ZFHX4: variants seen among roughly 807,000 people sequenced by gnomAD.
ZFHX4 encodes the protein zinc finger homeobox protein 4.
A neutral mutation model predicts 267.6 loss-of-function variants in ZFHX4; 56 were observed. The ratio of observed to expected loss-of-function variants is 0.21; its 90% CI spans 0.17 to 0.26. The LOEUF (loss-of-function observed/expected upper bound fraction) is 0.26. ZFHX4 is among the 10% of genes least tolerant of loss of function. ZFHX4 has a pLI of 1.00. For missense variants in ZFHX4, 4,332 were observed against 4,420.0 expected (o/e 0.98, Z 0.56); for synonymous variants, 1,778 against 1,665.6 (o/e 1.07, Z -1.64).
intron 3 of ZFHX4, among the ~76,000 whole-genome samples, chr8:76,720,253 G>A (rs555565034): frequency 6.6e-6 from 1 of 152,156 alleles, no homozygotes; most frequent in East Asian, 1.9e-4. Context: ...ATTTCATATA[G>A]ATGGAATCAT....
At position 76,704,676 on chromosome 8, in the gene ZFHX4, T is replaced by C; in HGVS notation, c.588T>C (p.His196=). The stretch of plus-strand genomic sequence containing the variant: ...ACCCACAGATCATCAACACTTTTCA[T>C]ATCGCTTCATCCCTCGGGAAACCAT... ...SFYPQIINTF[H]IASSLGKPFT... is the part of the protein sequence containing the mutation. Residue 196 remains histidine (H), a synonymous_variant, in exon 2 of 11, where the codon CAT becomes CAC. Coordinates refer to ENST00000651372, the MANE Select transcript of ZFHX4 (RefSeq NM_024721.5). 6.2e-7 allele frequency: 1 copy of C among 1,614,034 alleles called. No homozygotes were observed. Among genetic ancestry groups the C allele is most frequent in the African/African-American group, 1.3e-5 (1 of 75,070 alleles).
At chr8:76,846,330 G>T (rs913627307) in intron 6 of ZFHX4, among the ~76,000 whole-genome samples, 1 of 151,836 alleles carries the variant, frequency 6.6e-6, no homozygotes, top group South Asian at 2.1e-4. Flanking sequence ...CATTTTTGAC[G>T]TACCTAGCTA....
At chr8:76,815,758 C>T (rs900531307) in intron 4 of ZFHX4, among the ~76,000 whole-genome samples, 1 of 152,140 alleles carries the variant, frequency 6.6e-6, no homozygotes, top group African/African-American at 2.4e-5. Context: ...GCCTTGGTCT[C>T]CCAAAGTGCT....
At chr8:76,816,590 C>CTTTTTT (rs950143569) in intron 4 of ZFHX4, among the ~76,000 whole-genome samples, 6 of 113,030 alleles carry the variant, frequency 5.3e-5, no homozygotes, top group Admixed American at 1.9e-4. Context: ...ATTTAAATGT[C>CTTTTTT]TTTTTTTTTT....
intron 3 of ZFHX4, among the ~76,000 whole-genome samples, chr8:76,735,732 C>A (rs1314148195): frequency 1.3e-5 from 2 of 152,046 alleles, no homozygotes; most frequent in Non-Finnish European, 2.9e-5. Flanking sequence ...GACAAACAAG[C>A]TTTTAGTGTG....
At chr8:76,747,100 GA>G (rs1006500671) in intron 3 of ZFHX4, among the ~76,000 whole-genome samples, 7 of 151,760 alleles carry the variant, frequency 4.6e-5, no homozygotes, top group East Asian at 1.9e-4. Flanking sequence ...ATTTTTCAAG[GA>G]AAAAAATGAC....
chr8:76,750,304 A>G (rs1190472184), intron 3 of ZFHX4, among the ~76,000 whole-genome samples: 1 of 152,146 alleles, frequency 6.6e-6, no homozygotes, highest in African/African-American at 2.4e-5. Context: ...ATGCTTGATG[A>G]TGCTGTTGTA....
intron 4 of ZFHX4, among the ~76,000 whole-genome samples, chr8:76,806,939 T>C (rs1483008838): frequency 3.3e-5 from 5 of 152,088 alleles, no homozygotes; most frequent in African/African-American, 1.2e-4. Context: ...CAATTGTTAC[T>C]ACTCCTGAGT....
chr8:76,755,839 G>C (rs1422052003), intron 3 of ZFHX4, among the ~76,000 whole-genome samples: 1 of 152,048 alleles, frequency 6.6e-6, no homozygotes, highest in Non-Finnish European at 1.5e-5. Flanking sequence ...ATGTGGTTAA[G>C]CTCAGCATTG....
chr8:76,729,736 G>C (rs935181008), intron 3 of ZFHX4, among the ~76,000 whole-genome samples: 1 of 152,120 alleles, frequency 6.6e-6, no homozygotes, highest in Non-Finnish European at 1.5e-5. Context: ...GAACAAAACA[G>C]AAATATTATA....
intron 10 of ZFHX4, among the ~76,000 whole-genome samples, chr8:76,861,232 TTTC>T (rs1812858569): frequency 6.6e-6 from 1 of 152,184 alleles, no homozygotes; most frequent in Non-Finnish European, 1.5e-5. Flanking sequence ...TTTCCAGGAT[TTTC>T]TTTTCTTTTT....
At chr8:76,834,000 A>T in intron 5 of ZFHX4, 1 of 260,528 alleles carries the variant, frequency 3.8e-6, no homozygotes, top group Non-Finnish European at 7.7e-6. Flanking sequence ...TTTTTTTTAG[A>T]TTGGTTTCAT....
intron 4 of ZFHX4, among the ~76,000 whole-genome samples, chr8:76,809,739 TAA>T: frequency 6.6e-6 from 1 of 152,120 alleles, no homozygotes; most frequent in East Asian, 1.9e-4. Flanking sequence ...AAAATACCAT[TAA>T]TAAATGCTCT....
At chr8:76,762,115 C>T (rs764223449) in intron 3 of ZFHX4, among the ~76,000 whole-genome samples, 10 of 152,028 alleles carry the variant, frequency 6.6e-5, no homozygotes, top group Non-Finnish European at 1.0e-4. Context: ...TAATAGATAC[C>T]ATCATGAATG....
intron 4 of ZFHX4, among the ~76,000 whole-genome samples, chr8:76,799,470 G>A (rs1811063771): frequency 6.6e-6 from 1 of 152,150 alleles, no homozygotes; most frequent in Admixed American, 6.5e-5. Flanking sequence ...ACAACTGGAA[G>A]GCAGGTTGAC....
At chr8:76,749,422 G>C (rs1393761368) in intron 3 of ZFHX4, among the ~76,000 whole-genome samples, 1 of 152,278 alleles carries the variant, frequency 6.6e-6, no homozygotes, top group East Asian at 1.9e-4. Context: ...TTCTTCAGAA[G>C]AATAGTATCT....
chr8:76,729,857 G>T (rs1438531315), intron 3 of ZFHX4, among the ~76,000 whole-genome samples: 1 of 152,124 alleles, frequency 6.6e-6, no homozygotes, highest in Non-Finnish European at 1.5e-5. Flanking sequence ...CTAAAAGCTG[G>T]TATTAATAAA....
rs1275786968 is a variant in ZFHX4, at chr8:76,854,107, A to C, written c.7186A>C (p.Lys2396Gln). 1 of 1,613,818 alleles carries C rather than the reference A, an allele frequency of 6.2e-7. No individual in the cohort carries two copies. The change falls in exon 10 of 11, where the codon AAA (lysine) becomes CAA (glutamine). Residue 2396 changes from lysine (K) to glutamine (Q), a missense_variant. Coordinates refer to ENST00000651372, the MANE Select transcript of ZFHX4 (RefSeq NM_024721.5). ...CAGCACCCCCCTGATTCCATCACCCAAACCAGAACCTGAGAAGACTTCTCC... is the reference window on the plus strand; with the variant it reads ...CAGCACCCCCCTGATTCCATCACCCCAACCAGAACCTGAGAAGACTTCTCC... The part of the protein sequence containing the change: ...GTSTPLIPSP[K>Q]PEPEKTSPKP...
chr8:76,822,246 C>T (rs922033134), intron 4 of ZFHX4, among the ~76,000 whole-genome samples: 1 of 152,200 alleles, frequency 6.6e-6, no homozygotes, highest in Non-Finnish European at 1.5e-5. Flanking sequence ...CCTCATTAGA[C>T]CCATTGGCAA....
Sources: gnomAD v4.1 joint callset for allele counts (sites outside exome capture counted in the v4.1 genomes callset) on GRCh38, gnomAD v4.1.1 for gene constraint, MANE v1.5 for transcripts, NCBI Gene and HGNC (gene_info 2026-07-23, HGNC 2026-07-21) for gene names.